Variants in NIPBL observed in about 807,000 individuals in gnomAD.
NIPBL encodes the protein NIPBL cohesin loading factor, also known as nipped-B-like protein.
A neutral mutation model predicts 321.8 loss-of-function variants in NIPBL; 19 were observed. The ratio of observed to expected loss-of-function variants is 0.06; its 90% CI spans 0.04 to 0.09. The LOEUF (loss-of-function observed/expected upper bound fraction) is 0.09, where lower values mean the gene tolerates loss of function less well. NIPBL is among the 10% of genes least tolerant of loss of function. The pLI, the probability that NIPBL is intolerant of heterozygous loss-of-function variation, is 1.00. For missense variants in NIPBL, 2,210 were observed against 3,327.0 expected, an observed-to-expected ratio of 0.66 and a Z score of 8.26; for synonymous variants, 1,106 against 1,114.1, an observed-to-expected ratio of 0.99 and a Z score of 0.14.
chr5:37,033,685 TACACAC>T (rs372949399), intron 32 of NIPBL, among the ~76,000 whole-genome samples: 8 of 65,064 alleles, frequency 1.2e-4, no homozygotes, highest in African/African-American at 6.2e-4. Flanking sequence ...TATATGTACA[TACACAC>T]ACACACACAC....
intron 43 of NIPBL, among the ~76,000 whole-genome samples, chr5:37,058,066 G>T (rs1160197997): frequency 6.6e-6 from 1 of 152,114 alleles, no homozygotes; most frequent in Non-Finnish European, 1.5e-5. Context: ...AATTACAGAG[G>T]TGTCTTAAAC....
chr5:36,982,287 G>A, intron 9 of NIPBL: 1 of 865,746 alleles, frequency 1.2e-6, no homozygotes, highest in Non-Finnish European at 1.4e-6. Context: ...TTATTAGGTG[G>A]TTATGATGTA....
intron 1 of NIPBL, chr5:36,885,414 G>A (rs1257561469): frequency 2.2e-6 from 1 of 455,072 alleles, no homozygotes; most frequent in African/African-American, 2.0e-5. Context: ...ATGGCCCAGG[G>A]TCTGGCAGGA....
At chr5:36,898,217 A>G (rs1197034490) in intron 1 of NIPBL, among the ~76,000 whole-genome samples, 3 of 152,196 alleles carry the variant, frequency 2.0e-5, no homozygotes, top group African/African-American at 4.8e-5. Flanking sequence ...TTCATATACT[A>G]TAAAGTATGC....
chr5:36,903,156 G>T (rs912078233), intron 1 of NIPBL, among the ~76,000 whole-genome samples: 2 of 152,126 alleles, frequency 1.3e-5, no homozygotes, highest in East Asian at 1.9e-4. Flanking sequence ...TCAGATCTAG[G>T]AGTTCTTGAA....
At chr5:36,929,240 C>G (rs931277963) in intron 1 of NIPBL, among the ~76,000 whole-genome samples, 1 of 151,980 alleles carries the variant, frequency 6.6e-6, no homozygotes, top group East Asian at 1.9e-4. Flanking sequence ...TGAGAATATA[C>G]CTAATGACTA....
At chr5:37,006,330 C>T (rs1747425207) in intron 16 of NIPBL, 27 bp from the exon 17 acceptor site, 4 of 1,216,462 alleles carry the variant, frequency 3.3e-6, no homozygotes, top group Non-Finnish European at 4.9e-6. Context: ...TGTTTATTTC[C>T]ATTTCATTAA....
At chr5:36,974,681 A>G (rs1358518272) in intron 8 of NIPBL, among the ~76,000 whole-genome samples, 1 of 150,330 alleles carries the variant, frequency 6.7e-6, no homozygotes, top group Non-Finnish European at 1.5e-5. Flanking sequence ...TTATCACACT[A>G]GAGTCAATAA....
intron 1 of NIPBL, among the ~76,000 whole-genome samples, chr5:36,928,108 A>C (rs1346634836): frequency 6.6e-6 from 1 of 152,202 alleles, no homozygotes; most frequent in Non-Finnish European, 1.5e-5. Context: ...TGTGGTCTTG[A>C]ACACGTAATT....
chr5:36,989,330 T>C (rs1025334605), intron 10 of NIPBL, among the ~76,000 whole-genome samples: 12 of 152,194 alleles, frequency 7.9e-5, no homozygotes, highest in Admixed American at 6.5e-4. Flanking sequence ...TTATCCTGCA[T>C]TGTTAACTTC....
intron 10 of NIPBL, among the ~76,000 whole-genome samples, chr5:36,992,636 T>C (rs1374866113): frequency 1.3e-5 from 2 of 152,092 alleles, no homozygotes; most frequent in African/African-American, 4.8e-5. Context: ...CATCTCAGCC[T>C]CCAAATGGCT....
chr5:37,000,348 A>G (rs779112791), intron 11 of NIPBL, 25 bp from the exon 12 acceptor site: 11 of 1,606,282 alleles, frequency 6.8e-6, no homozygotes, highest in Non-Finnish European at 9.4e-6. Flanking sequence ...GAGGTAAATT[A>G]TTTGTCATGG....
rs755355876 is a variant in NIPBL, at chr5:36,984,672, T to C, written c.1496-4T>C. ...TGATATTGATATTTATCTTTAAATT[T>C]CAGATAAGCCTTTGAAAAAAAGAAA... is the stretch of plus-strand genomic sequence containing the variant. On this transcript the variant is annotated splice_polypyrimidine_tract_variant and splice_region_variant and intron_variant, in intron 9 of 46. Transcript: ENST00000282516. 10 of 1,607,830 alleles carry C rather than the reference T, an allele frequency of 6.2e-6. No homozygotes were observed. In the Middle Eastern group the frequency reaches 5.0e-4, roughly 80 times the overall value.
At chr5:37,021,276 G>C (rs939937783) in intron 27 of NIPBL, among the ~76,000 whole-genome samples, 1 of 152,140 alleles carries the variant, frequency 6.6e-6, no homozygotes, top group Non-Finnish European at 1.5e-5. Flanking sequence ...TCCAGCCTGG[G>C]CAACAAGAGG....
At chr5:36,914,574 T>C (rs1748311248) in intron 1 of NIPBL, among the ~76,000 whole-genome samples, 1 of 152,220 alleles carries the variant, frequency 6.6e-6, no homozygotes, top group Non-Finnish European at 1.5e-5. Context: ...GGGGTGTATA[T>C]GAAACATAAA....
intron 1 of NIPBL, among the ~76,000 whole-genome samples, chr5:36,900,663 T>G (rs1747132499): frequency 6.6e-6 from 1 of 152,128 alleles, no homozygotes; most frequent in Admixed American, 6.5e-5. Context: ...TGGCATATGC[T>G]CGGGTTTTTT....
intron 1 of NIPBL, among the ~76,000 whole-genome samples, chr5:36,952,065 CGCGCGCGCATGTGTGTGTGT>C (rs1304128030): frequency 4.6e-5 from 5 of 108,062 alleles, no homozygotes; most frequent in Admixed American, 1.7e-4. Context: ...CGCGCGCGCG[CGCGCGCGCATGTGTGTGTGT>C]AGCAGTTTAA....
rs189445000 is a variant in NIPBL, at chr5:36,991,257, C to T, written c.3122-4365C>T. 5.3e-4 allele frequency among the ~76,000 whole-genome samples: 80 copies of T among 152,052 alleles called. 1 individual carries two copies. The highest frequency in any genetic ancestry group is 3.4e-3 in the Middle Eastern group (1 of 292). On this transcript the variant is annotated intron_variant, in intron 10 of 46. Coordinates refer to ENST00000282516, the MANE Select transcript of NIPBL (RefSeq NM_133433.4). Reference sequence around the variant, plus strand: ...TTAACCTTTCAAAGCTTGGTTCATTCGCTTTTAAAATAAAGAAACCAATTT... The same window carrying T: ...TTAACCTTTCAAAGCTTGGTTCATTTGCTTTTAAAATAAAGAAACCAATTT...
At chr5:37,047,699 C>T (rs1753124081) in intron 38 of NIPBL, among the ~76,000 whole-genome samples, 1 of 152,184 alleles carries the variant, frequency 6.6e-6, no homozygotes, top group African/African-American at 2.4e-5. Context: ...TAAAAGACAT[C>T]TTGCCTGGGC....
Sources: allele counts gnomAD v4.1 joint callset (sites outside exome capture counted in the v4.1 genomes callset), GRCh38; gene constraint gnomAD v4.1.1; transcripts MANE v1.5; gene names NCBI Gene and HGNC (gene_info 2026-07-23, HGNC 2026-07-21).